Variants in CACNA1B observed in about 807,000 individuals in gnomAD.
CACNA1B encodes voltage-dependent N-type calcium channel subunit alpha-1B.
A neutral mutation model predicts 247.2 loss-of-function variants in CACNA1B; 70 were observed. That is an observed-to-expected ratio of 0.28 (90% CI 0.23 to 0.35). CACNA1B has a LOEUF of 0.35. CACNA1B is among the 10% of genes least tolerant of loss of function. CACNA1B has a pLI of 1.00. For synonymous variants in CACNA1B, 1,231 were observed against 1,294.4 expected (o/e 0.95, Z 1.05); for missense variants, 2,367 against 3,197.4 (o/e 0.74, Z 6.26).
chr9:137,913,043 G>A lies in CACNA1B; in HGVS notation c.531-137G>A. On this transcript the variant is annotated intron_variant, in intron 3 of 46. Coordinates refer to ENST00000371372, the MANE Select transcript of CACNA1B (RefSeq NM_000718.4). This position sits in a 1 kb window ranked among gnomAD's most constrained non-coding sequence, Gnocchi z 5.2. ...GTGGGGGGACACAGGTGCTGGCCCT[G>A]TGGTTGGACAGTGGGGACACAGGAA... The A allele has an allele frequency of 3.0e-6, 2 of 677,300 alleles. No homozygotes were observed. The highest frequency in any genetic ancestry group is 5.2e-6 in the Non-Finnish European group (2 of 384,796). The allele number at this position is 677,300 out of a possible 1,614,324, so 42.0% of individuals were successfully genotyped here.
intron 20 of CACNA1B, among the ~76,000 whole-genome samples, chr9:138,042,339 A>G (rs1322726404): frequency 6.6e-6 from 1 of 152,122 alleles, no homozygotes; most frequent in Admixed American, 6.5e-5. Context: ...AATCCCAGCT[A>G]CTCGGGATGC....
At position 138,050,693 on chromosome 9, in the gene CACNA1B, C is replaced by T. The variant is rs1279445841; in HGVS notation, c.3710+1378C>T. On this transcript the variant is annotated intron_variant, in intron 24 of 46. Transcript: ENST00000371372. This position sits in a 1 kb window ranked among gnomAD's most constrained non-coding sequence, Gnocchi z 5.2. The stretch of plus-strand genomic sequence containing the variant: ...GAGCAGGCCCCAGATGGACGCTCCC[C>T]CAGAAAGCCTCATTTACTGGGTGAC... Among the ~76,000 whole-genome samples the T allele has an allele frequency of 6.6e-6, 1 of 152,162 alleles. No homozygotes were observed. The highest frequency in any genetic ancestry group is 2.4e-5 in the African/African-American group (1 of 41,430).
chr9:138,096,031 G>A (rs1042834851), intron 36 of CACNA1B, among the ~76,000 whole-genome samples: 6 of 152,084 alleles, frequency 3.9e-5, no homozygotes, highest in African/African-American at 1.4e-4. Context: ...GAGAGAGATG[G>A]TTGCACAATA....
At chr9:137,932,662 G>C (rs1315851428) in intron 6 of CACNA1B, among the ~76,000 whole-genome samples, 1 of 152,082 alleles carries the variant, frequency 6.6e-6, no homozygotes, top group Non-Finnish European at 1.5e-5. Flanking sequence ...TTTCATACTG[G>C]GGAACCAAAA....
rs142222569 is a variant in CACNA1B at position 137,989,330 on chromosome 9, G to A, written c.1974+2476G>A. ...TGATCAGAGAGAGTATGGGTGAGCC[G>A]GAGGATGTGGTGGGGCTGAGCCAGC... On this transcript the variant is annotated intron_variant, in intron 15 of 46. Transcript: ENST00000371372. Among the ~76,000 whole-genome samples the A allele has an allele frequency of 9.2e-4, 140 of 152,262 alleles. 1 individual carries two copies. Among genetic ancestry groups the A allele is most frequent in the African/African-American group, 3.2e-3 (131 of 41,566 alleles).
At chr9:138,066,692 A>G (rs1394106794) in intron 31 of CACNA1B, among the ~76,000 whole-genome samples, 6 of 152,224 alleles carry the variant, frequency 3.9e-5, no homozygotes, top group Admixed American at 3.3e-4. Flanking sequence ...AAATAACAGA[A>G]AAACAATGAA....
At chr9:137,993,001 C>A (rs1457634073) in intron 15 of CACNA1B, among the ~76,000 whole-genome samples, 2 of 152,114 alleles carry the variant, frequency 1.3e-5, no homozygotes, top group Non-Finnish European at 2.9e-5. Flanking sequence ...AATAGTGACA[C>A]AACCTATCAA....
chr9:137,917,513 C>T lies in CACNA1B; in HGVS notation c.966+82C>T, dbSNP rs939754255. 8 of 1,217,372 alleles carry T rather than the reference C, an allele frequency of 6.6e-6. No individual in the cohort carries two copies. Among genetic ancestry groups the T allele is most frequent in the Non-Finnish European group, 9.4e-6 (8 of 851,486 alleles). The allele number at this position is 1,217,372 out of a possible 1,614,324, so 75.4% of individuals were successfully genotyped here. On this transcript the variant is annotated intron_variant, in intron 6 of 46. Coordinates refer to ENST00000371372, the MANE Select transcript of CACNA1B (RefSeq NM_000718.4). The surrounding 1 kb of genome is among the most constrained non-coding windows in gnomAD (Gnocchi z 5.5). ...GCCTCTGGGGGTCCATTTAGGGGGG[C>T]CCTTCTGACCTCAGAGCCTCTGCCC... is the stretch of plus-strand genomic sequence containing the variant.
chr9:138,063,569 A>G (rs909595389), intron 31 of CACNA1B, among the ~76,000 whole-genome samples: 1 of 152,242 alleles, frequency 6.6e-6, no homozygotes, highest in Non-Finnish European at 1.5e-5. Flanking sequence ...CAGACTGTGA[A>G]TGTCTGCTGT....
intron 19 of CACNA1B, among the ~76,000 whole-genome samples, chr9:138,024,325 C>G (rs1369784650): frequency 1.3e-5 from 2 of 152,150 alleles, no homozygotes; most frequent in African/African-American, 4.8e-5. Flanking sequence ...CTCACCAACC[C>G]CGTGAGGGCC....
chr9:138,021,053 C>T (rs1958839172), intron 18 of CACNA1B, among the ~76,000 whole-genome samples: 2 of 152,250 alleles, frequency 1.3e-5, no homozygotes, highest in Admixed American at 6.5e-5. Flanking sequence ...AGGCAGTGAA[C>T]AGCCTCCGCC....
Position 137,955,666 on chromosome 9 carries a change from C to T in CACNA1B, c.1071-32C>T, listed in dbSNP as rs755071044. The stretch of plus-strand genomic sequence containing the variant: ...GCACACCTGTGGGGCTTGCACTCAC[C>T]TGATCTTGCTTTTCCGGCCCCTGCA... On this transcript the variant is annotated intron_variant, in intron 7 of 46. Transcript: ENST00000371372. This position sits in a 1 kb window ranked among gnomAD's most constrained non-coding sequence, Gnocchi z 6.9. The T allele has an allele frequency of 1.4e-6, 2 of 1,465,896 alleles. No individual in the cohort carries two copies. Among genetic ancestry groups the T allele is most frequent in the Non-Finnish European group, 1.9e-6 (2 of 1,053,680 alleles). 90.8% of individuals were successfully genotyped at this position (1,465,896 alleles called of 1,614,324 possible). A position where few individuals can be genotyped will look rare whatever the true frequency, so the allele number is the denominator to read the frequency against.
At chr9:137,980,637 G>A (rs1441045724) in intron 12 of CACNA1B, among the ~76,000 whole-genome samples, 2 of 152,146 alleles carry the variant, frequency 1.3e-5, no homozygotes, top group Non-Finnish European at 2.9e-5. Context: ...CATAGTACCC[G>A]GAAGATAGTT....
In CACNA1B at chr9:137,914,346, C is replaced by T. The variant is rs1957388567; in HGVS notation, c.623-308C>T. Among the ~76,000 whole-genome samples the T allele has an allele frequency of 6.6e-6, 1 of 152,076 alleles. No homozygotes were observed. Among genetic ancestry groups the T allele is most frequent in the Non-Finnish European group, 1.5e-5 (1 of 68,010 alleles). Reference sequence around the variant, plus strand: ...TGTTGCCCCACCCTGAGCCCCACTCCCCACCCCAGACTTCATACCCTGACA... The same window carrying T: ...TGTTGCCCCACCCTGAGCCCCACTCTCCACCCCAGACTTCATACCCTGACA... On this transcript the variant is annotated intron_variant, in intron 4 of 46. Coordinates refer to ENST00000371372, the MANE Select transcript of CACNA1B (RefSeq NM_000718.4). This position sits in a 1 kb window ranked among gnomAD's most constrained non-coding sequence, Gnocchi z 4.3.
intron 3 of CACNA1B, among the ~76,000 whole-genome samples, chr9:137,886,395 C>T (rs7029343): frequency 0.03 from 4,535 of 152,274 alleles, 243 homozygotes; most frequent in African/African-American, 0.1. Context: ...GTCTGCCTTC[C>T]CGTCCATGCC....
chr9:138,098,564 G>T (rs1180193650), intron 37 of CACNA1B, among the ~76,000 whole-genome samples: 3 of 152,152 alleles, frequency 2.0e-5, no homozygotes, highest in Non-Finnish European at 2.9e-5. Context: ...TATGAGCTAC[G>T]CCCGGGCCTT....
chr9:138,003,277 A>T (rs1958604315), intron 15 of CACNA1B, among the ~76,000 whole-genome samples: 1 of 151,232 alleles, frequency 6.6e-6, no homozygotes, highest in South Asian at 2.1e-4. Context: ...GGCTCAAGTG[A>T]TCCTCCTGCC....
intron 31 of CACNA1B, among the ~76,000 whole-genome samples, chr9:138,063,319 C>G (rs1959799753): frequency 6.6e-6 from 1 of 152,116 alleles, no homozygotes; most frequent in Non-Finnish European, 1.5e-5. Flanking sequence ...ACGGCGAGAC[C>G]CTGTCTCTGT....
intron 36 of CACNA1B, among the ~76,000 whole-genome samples, chr9:138,094,855 A>G (rs1364102885): frequency 6.6e-6 from 1 of 152,232 alleles, no homozygotes; most frequent in Non-Finnish European, 1.5e-5. Context: ...ATGATAATTC[A>G]GTGAGGGAGA....
Sources: gnomAD v4.1 joint callset for allele counts (sites outside exome capture counted in the v4.1 genomes callset) on GRCh38, gnomAD v4.1.1 for gene constraint, Gnocchi (gnomAD v3.1) non-coding constraint, MANE v1.5 for transcripts, NCBI Gene and HGNC (gene_info 2026-07-23, HGNC 2026-07-21) for gene names.